VNN1: variants seen among roughly 807,000 people sequenced by gnomAD.
VNN1 encodes the protein pantetheinase.
VNN1 carries 29 observed loss-of-function variants against 41.9 expected under a neutral mutation model. The observed-to-expected ratio is 0.69, with a 90% confidence interval of 0.52 to 0.94. VNN1 has a LOEUF of 0.94. VNN1 is among the 40% of genes least tolerant of loss of function. VNN1 has a pLI of 0.00. For missense variants in VNN1, 637 were observed against 621.1 expected (o/e 1.03, Z -0.27); for synonymous variants, 233 against 224.4 (o/e 1.04, Z -0.34).
At chr6:132,700,978 A>C (rs1778441602) in intron 2 of VNN1, among the ~76,000 whole-genome samples, 3 of 152,230 alleles carry the variant, frequency 2.0e-5, no homozygotes, top group Non-Finnish European at 2.9e-5. Context: ...ACATTAAGGC[A>C]ATGTTCTCAA....
rs1433883535 is a variant in VNN1 at position 132,694,137 on chromosome 6, C to G, written c.387G>C (p.Lys129Asn). 1.2e-6 allele frequency: 2 copies of G among 1,613,254 alleles called. No individual in the cohort carries two copies. The highest frequency in any genetic ancestry group is 2.2e-5 in the South Asian group (2 of 90,898). Reference protein sequence around the residue: ...PVQERLSCLAKNNSIYVVANI... With the variant: ...PVQERLSCLANNNSIYVVANI... ...TTGCCACAACATAGATAGAGTTGTT[C>G]TTGGCCAGGCAGCTGAGTCTTTCTT... The change falls in exon 3 of 7, where the codon AAG becomes AAC. Residue 129 changes from lysine to asparagine, a missense_variant. Coordinates refer to ENST00000367928, the MANE Select transcript of VNN1 (RefSeq NM_004666.3).
intron 2 of VNN1, among the ~76,000 whole-genome samples, chr6:132,698,408 G>A (rs571883511): frequency 3.6e-4 from 55 of 152,298 alleles, no homozygotes; most frequent in Non-Finnish European, 6.9e-4. Flanking sequence ...TGGGCAACTG[G>A]GGGAAGAATA....
chr6:132,692,610 AT>A (rs770674702), intron 4 of VNN1, 26 bp from the exon 5 acceptor site: 1 of 1,528,750 alleles, frequency 6.5e-7, no homozygotes, highest in Non-Finnish European at 8.7e-7. Flanking sequence ...TGAAAACATC[AT>A]TTGAAATTGG....
rs751733400 is a variant in VNN1 at position 132,681,187 on chromosome 6, A to G, written c.*1953T>C. ...ATGTCACTTCTGTGATTAGGTTTTC[A>G]AAGACTGTGGCTTACATCCAAGTTC... On this transcript the variant is annotated 3_prime_UTR_variant, in exon 7 of 7. Transcript: ENST00000367928. 1.3e-5 allele frequency among the ~76,000 whole-genome samples: 2 copies of G among 152,168 alleles called. No homozygotes were observed. The highest frequency in any genetic ancestry group is 2.9e-5 in the Non-Finnish European group (2 of 68,014).
At position 132,693,051 on chromosome 6, in the gene VNN1, T is replaced by A; in HGVS notation, c.799A>T (p.Ile267Leu). ...GMRVNFLASN[I>L]HYPSKKMTGS... ...GTCATTTTCTTTGAGGGGTAATGTATGTTGGATGCAAGGAAATTGACCCTC... is the reference window on the plus strand; with the variant it reads ...GTCATTTTCTTTGAGGGGTAATGTAAGTTGGATGCAAGGAAATTGACCCTC... The change falls in exon 4 of 7, where the codon ATA (isoleucine) becomes TTA (leucine). Residue 267 changes from isoleucine (I) to leucine (L), a missense_variant. Transcript: ENST00000367928. The A allele has an allele frequency of 6.2e-7, 1 of 1,613,204 alleles. No individual in the cohort carries two copies. The highest frequency in any genetic ancestry group is 1.1e-5 in the South Asian group (1 of 91,008).
intron 2 of VNN1, among the ~76,000 whole-genome samples, chr6:132,705,885 A>G (rs1223866483): frequency 6.6e-6 from 1 of 152,230 alleles, no homozygotes; most frequent in African/African-American, 2.4e-5. Context: ...AATCTGAAAA[A>G]GAAATCAAGA....
chr6:132,699,430 T>G (rs1376489405), intron 2 of VNN1: 1 of 161,786 alleles, frequency 6.2e-6, no homozygotes, highest in Non-Finnish European at 1.3e-5. Context: ...AAAACAGAAG[T>G]GTATACAGTT....
intron 3 of VNN1, among the ~76,000 whole-genome samples, 169 bp downstream of exon 3, chr6:132,693,821 C>G (rs1158499389): frequency 2.0e-5 from 3 of 152,194 alleles, no homozygotes; most frequent in South Asian, 4.1e-4. Flanking sequence ...GTACACGGAA[C>G]CCCTTAAGCC....
chr6:132,687,531 A>G (rs1055123859), intron 5 of VNN1, among the ~76,000 whole-genome samples: 3 of 152,252 alleles, frequency 2.0e-5, no homozygotes, highest in African/African-American at 7.2e-5. Flanking sequence ...GAGAGCAGCC[A>G]GTTCAGATTA....
At chr6:132,704,260 T>C (rs1321244048) in intron 2 of VNN1, among the ~76,000 whole-genome samples, 1 of 152,066 alleles carries the variant, frequency 6.6e-6, no homozygotes, top group Non-Finnish European at 1.5e-5. Flanking sequence ...AGAATAAACA[T>C]TCTTCTCCCC....
At chr6:132,710,489 A>G (rs1052083879) in intron 2 of VNN1, among the ~76,000 whole-genome samples, 6 of 152,100 alleles carry the variant, frequency 3.9e-5, no homozygotes, top group Admixed American at 1.3e-4. Flanking sequence ...CATCATCTAC[A>G]TTAGGTATTT....
At chr6:132,694,263 A>C in intron 2 of VNN1, 81 bp from the exon 3 acceptor site, 1 of 1,336,676 alleles carries the variant, frequency 7.5e-7, no homozygotes, top group Non-Finnish European at 1.0e-6. Context: ...TAGTTGCCTA[A>C]ACCTATTATT....
At chr6:132,689,433 C>T (rs376999725) in intron 5 of VNN1, among the ~76,000 whole-genome samples, 11 of 152,264 alleles carry the variant, frequency 7.2e-5, no homozygotes, top group African/African-American at 2.6e-4. Flanking sequence ...ATCTGCCCAT[C>T]ATCCTATCAT....
intron 2 of VNN1, among the ~76,000 whole-genome samples, chr6:132,701,362 A>C (rs539668888): frequency 6.6e-6 from 1 of 152,242 alleles, no homozygotes; most frequent in South Asian, 2.1e-4. Flanking sequence ...AGACATGTGC[A>C]CTTTATTATA....
chr6:132,692,392 T>A lies in VNN1; in HGVS notation c.1019A>T (p.Asp340Val), dbSNP rs1433786102. Residue 340 changes from aspartate (D) to valine (V), a missense_variant, in exon 5 of 7, where the codon GAT (aspartate) becomes GTT (valine). Physicochemically the swap from Asp to Val is radical, Grantham distance 152. Coordinates refer to ENST00000367928, the MANE Select transcript of VNN1 (RefSeq NM_004666.3). ...TGTGAGCTTCACAAAAGTGAATTCATCGAAAAAGACAGTGCCTTTAAATTC... is the reference window on the plus strand; with the variant it reads ...TGTGAGCTTCACAAAAGTGAATTCAACGAAAAAGACAGTGCCTTTAAATTC... ...NKEFKGTVFF[D>V]EFTFVKLTGV... 12 of 1,614,042 alleles carry A rather than the reference T, an allele frequency of 7.4e-6. No homozygotes were observed. In the East Asian group the frequency reaches 2.2e-4, roughly 30 times the overall value.
chr6:132,700,736 G>A (rs1198465284), intron 2 of VNN1, among the ~76,000 whole-genome samples: 3 of 152,078 alleles, frequency 2.0e-5, no homozygotes, highest in African/African-American at 4.8e-5. Context: ...TTTTCTACTC[G>A]AAACTAAATG....
At chr6:132,709,979 T>C (rs891962579) in intron 2 of VNN1, among the ~76,000 whole-genome samples, 1 of 152,170 alleles carries the variant, frequency 6.6e-6, no homozygotes, top group African/African-American at 2.4e-5. Context: ...TTATGATAAA[T>C]AACACTGGAA....
intron 2 of VNN1, chr6:132,699,005 G>GTGAA (rs1778413835): frequency 5.1e-6 from 1 of 194,690 alleles, no homozygotes; most frequent in African/African-American, 2.4e-5. Context: ...CATTTTCTCT[G>GTGAA]TGAATTTACT....
intron 2 of VNN1, among the ~76,000 whole-genome samples, chr6:132,703,303 T>A (rs1028404001): frequency 6.6e-6 from 1 of 152,100 alleles, no homozygotes; most frequent in Non-Finnish European, 1.5e-5. Context: ...ATATCTTGAG[T>A]AGAAAAACTA....
Sources: allele counts gnomAD v4.1 joint callset (sites outside exome capture counted in the v4.1 genomes callset), GRCh38; gene constraint gnomAD v4.1.1; transcripts MANE v1.5; gene names NCBI Gene and HGNC (gene_info 2026-07-23, HGNC 2026-07-21).